KDM5A: variants seen among roughly 807,000 people sequenced by gnomAD.
KDM5A encodes the protein lysine demethylase 5A.
In KDM5A, 42 loss-of-function variants were observed where a neutral mutation model predicts 193.5. That is an observed-to-expected ratio of 0.22 (90% CI 0.17 to 0.28). The LOEUF is 0.28. KDM5A is among the 10% of genes least tolerant of loss of function. KDM5A has a pLI of 1.00. For missense variants in KDM5A, 1,692 were observed against 2,055.1 expected (o/e 0.82, Z 3.42); for synonymous variants, 796 against 718.1 (o/e 1.11, Z -1.73).
At chr12:296,716 G>T (rs1053198820) in intron 25 of KDM5A, among the ~76,000 whole-genome samples, 3 of 152,162 alleles carry the variant, frequency 2.0e-5, no homozygotes, top group African/African-American at 7.2e-5. Flanking sequence ...AAAAGCAGCA[G>T]TTCCACAACA....
At chr12:387,225 T>C (rs1467859290) in intron 1 of KDM5A, 4 of 356,258 alleles carry the variant, frequency 1.1e-5, no homozygotes, top group Non-Finnish European at 2.1e-5. Context: ...CGTTGAGTAG[T>C]CAAAAAAAAA....
chr12:286,308 A>T (rs566749861), intron 27 of KDM5A: 6 of 391,806 alleles, frequency 1.5e-5, no homozygotes, highest in South Asian at 1.2e-4. Context: ...TTTAAAATTA[A>T]AATCTGAAAA....
chr12:388,975 G>T lies in KDM5A; in HGVS notation c.117C>A (p.Ile39=), dbSNP rs200231185. 3 of 1,614,102 alleles carry T rather than the reference G, an allele frequency of 1.9e-6. No individual in the cohort carries two copies. The highest frequency in any genetic ancestry group is 4.5e-5 in the East Asian group (2 of 44,894). Residue 39 remains isoleucine (I), a synonymous_variant, in exon 1 of 28, where the codon ATC becomes ATA. Coordinates refer to ENST00000399788, the MANE Select transcript of KDM5A (RefSeq NM_001042603.3). ...TGCCGGTTTTCTCCGCCAAAGGCCG[G>T]ATGCGGCCGATAAAGCTGAGCGGAT... ...FTDPLSFIGR[I]RPLAEKTGIC...
intron 3 of KDM5A, among the ~76,000 whole-genome samples, chr12:367,052 C>G (rs1944365556): frequency 6.6e-6 from 1 of 152,132 alleles, no homozygotes; most frequent in Admixed American, 6.6e-5. Context: ...TGCAGTAGGC[C>G]ATACCATCTG....
chr12:341,102 A>G (rs1045257134), intron 10 of KDM5A, among the ~76,000 whole-genome samples: 1 of 152,246 alleles, frequency 6.6e-6, no homozygotes, highest in Non-Finnish European at 1.5e-5. Context: ...GTAAAACCTC[A>G]GAAAATGTAA....
intron 10 of KDM5A, among the ~76,000 whole-genome samples, chr12:334,663 CAT>C (rs1353995090): frequency 1.3e-5 from 2 of 152,042 alleles, no homozygotes; most frequent in Non-Finnish European, 2.9e-5. Flanking sequence ...CTCCAAAGCA[CAT>C]GAGCAATTCT....
At chr12:374,562 A>T (rs1470047071) in intron 3 of KDM5A, among the ~76,000 whole-genome samples, 1 of 152,176 alleles carries the variant, frequency 6.6e-6, no homozygotes, top group Non-Finnish European at 1.5e-5. Flanking sequence ...TGGAGCATTT[A>T]GCCCATTTAC....
intron 10 of KDM5A, among the ~76,000 whole-genome samples, chr12:346,511 C>T (rs1326372249): frequency 6.6e-6 from 1 of 152,068 alleles, no homozygotes; most frequent in Non-Finnish European, 1.5e-5. Context: ...GTGAAAATCC[C>T]CAATAAAATA....
In KDM5A at chr12:283,955, GAA is replaced by G. The variant is rs1414035884; in HGVS notation, c.*1499_*1500del. 8.6e-6 allele frequency: 2 copies of G among 232,972 alleles called. No homozygotes were observed. Among genetic ancestry groups the G allele is most frequent in the South Asian group, 1.8e-4 (1 of 5,518 alleles). The allele number at this position is 232,972 out of a possible 1,614,324, so 14.4% of individuals were successfully genotyped here. A position where few individuals can be genotyped will look rare whatever the true frequency, so the allele number is the denominator to read the frequency against. ...TAGTTTCAAACATTCACACACAAAA[GAA>G]AAAAGAGCCAGCACAGACTAGAGTG... is the stretch of plus-strand genomic sequence containing the variant. On this transcript the variant is annotated 3_prime_UTR_variant, in exon 28 of 28. Transcript: ENST00000399788.
Position 334,237 on chromosome 12 carries a change from A to G in KDM5A, c.1490+4T>C. 1 of 1,613,218 alleles carries G rather than the reference A, an allele frequency of 6.2e-7. No individual in the cohort carries two copies. Among genetic ancestry groups the G allele is most frequent in the Non-Finnish European group, 8.5e-7 (1 of 1,179,152 alleles). On this transcript the variant is annotated splice_donor_region_variant and intron_variant, in intron 11 of 27. Transcript: ENST00000399788. The stretch of plus-strand genomic sequence containing the variant: ...ATGCATGCTGTATTTTAGACTGTAC[A>G]TACCAGTGCAAGTAGTTGATGGAAT...
At position 388,969 on chromosome 12, in the gene KDM5A, A is replaced by G; in HGVS notation, c.123T>C (p.Pro41=). 1 of 1,614,178 alleles carries G rather than the reference A, an allele frequency of 6.2e-7. No homozygotes were observed. Among genetic ancestry groups the G allele is most frequent in the Non-Finnish European group, 8.5e-7 (1 of 1,180,042 alleles). ...DPLSFIGRIR[P]LAEKTGICKI... ...TGCAGATGCCGGTTTTCTCCGCCAAAGGCCGGATGCGGCCGATAAAGCTGA... is the reference window on the plus strand; with the variant it reads ...TGCAGATGCCGGTTTTCTCCGCCAAGGGCCGGATGCGGCCGATAAAGCTGA... Residue 41 remains proline, a synonymous_variant, in exon 1 of 28, where the codon CCT becomes CCC. Transcript: ENST00000399788.
At chr12:380,372 A>G in intron 3 of KDM5A, among the ~76,000 whole-genome samples, 1 of 152,092 alleles carries the variant, frequency 6.6e-6, no homozygotes. Flanking sequence ...TACTCATACT[A>G]TTAATACTTA....
chr12:329,742 ATTTTGAAAAT>A (rs973664155), intron 13 of KDM5A, among the ~76,000 whole-genome samples: 2 of 152,190 alleles, frequency 1.3e-5, no homozygotes, highest in African/African-American at 4.8e-5. Context: ...TTTAAAATAA[ATTTTGAAAAT>A]TTCCATAATT....
At chr12:326,864 CAAAAAAAAAAAAAAAAAAA>C (rs61571425) in intron 14 of KDM5A, among the ~76,000 whole-genome samples, 1 of 86,010 alleles carries the variant, frequency 1.2e-5, no homozygotes, top group East Asian at 3.2e-4. Flanking sequence ...GACTCTGTCT[CAAAAAAAAAAAAAAAAAAA>C]AAAAAAAAGA....
chr12:321,077 T>C lies in KDM5A; in HGVS notation c.2459A>G (p.Lys820Arg). ...GGCCTTCAATTCTTCCACTGTCAGT[T>C]TGGTCCGAGTCCTCCCACTATCTGG... is the stretch of plus-strand genomic sequence containing the variant. ...QSPDSGRTRT[K>R]LTVEELKAFV... Residue 820 changes from lysine (K) to arginine (R), a missense_variant, in exon 18 of 28, where the codon AAA becomes AGA. This residue lies in a region of KDM5A where 965 missense variants were observed against 1,061.0 expected (regional missense o/e 0.91). Coordinates refer to ENST00000399788, the MANE Select transcript of KDM5A (RefSeq NM_001042603.3). 2.5e-6 allele frequency: 4 copies of C among 1,614,052 alleles called. No homozygotes were observed. The highest frequency in any genetic ancestry group is 1.1e-5 in the South Asian group (1 of 91,082).
At chr12:297,260 A>C in intron 24 of KDM5A, 60 bp from the exon 25 acceptor site, 4 of 1,522,130 alleles carry the variant, frequency 2.6e-6, no homozygotes, top group Non-Finnish European at 3.6e-6. Flanking sequence ...TTTTATGACA[A>C]GGCCCAAAAT....
At chr12:291,276 T>C (rs1366509594) in intron 27 of KDM5A, among the ~76,000 whole-genome samples, 1 of 152,194 alleles carries the variant, frequency 6.6e-6, no homozygotes, top group African/African-American at 2.4e-5. Flanking sequence ...ATAGGATATA[T>C]ATTTTACTAT....
chr12:298,074 C>A (rs1178388718), intron 24 of KDM5A, among the ~76,000 whole-genome samples: 5 of 152,224 alleles, frequency 3.3e-5, no homozygotes, highest in Non-Finnish European at 7.3e-5. Flanking sequence ...ACCCCCAGCT[C>A]CCTGGGACAG....
Position 321,036 on chromosome 12 carries a change from A to G in KDM5A, c.2500T>C (p.Phe834Leu), listed in dbSNP as rs779502822. ...TGGCTGATGACACACGGAAGACTAA[A>G]AAGTTGTTGGACAAAGGCCTTCAAT... ...EELKAFVQQL[F>L]SLPCVISQAR... The change falls in exon 18 of 28, where the codon TTT (phenylalanine) becomes CTT (leucine). Residue 834 changes from phenylalanine to leucine, a missense_variant. Phe to Leu is a conservative substitution (Grantham distance 22). Around this residue, in one of 11 missense-constraint regions of KDM5A, gnomAD observed 965 missense variants for 1,061.0 expected, o/e 0.91. Coordinates refer to ENST00000399788, the MANE Select transcript of KDM5A (RefSeq NM_001042603.3). 4 of 1,614,062 alleles carry G rather than the reference A, an allele frequency of 2.5e-6. No individual in the cohort carries two copies. In the Admixed American group the frequency reaches 5.0e-5, roughly 20 times the overall value.
Sources: gnomAD v4.1 joint callset for allele counts (sites outside exome capture counted in the v4.1 genomes callset) on GRCh38, gnomAD v4.1.1 for gene constraint, gnomAD v4.1.1 regional missense constraint, MANE v1.5 for transcripts, NCBI Gene and HGNC (gene_info 2026-07-23, HGNC 2026-07-21) for gene names.